The following UBASH3B variants were observed in gnomAD, a reference collection of about 807,000 sequenced individuals.
UBASH3B encodes the protein ubiquitin-associated and SH3 domain-containing protein B.
Under a neutral mutation model 83.4 loss-of-function variants are expected in UBASH3B, and 37 were observed. The ratio of observed to expected loss-of-function variants is 0.44; its 90% CI spans 0.34 to 0.58. The LOEUF (loss-of-function observed/expected upper bound fraction) is 0.58, where lower values mean the gene tolerates loss of function less well. Among genes scored for constraint, UBASH3B ranks in the 20% least tolerant of loss-of-function variants. The pLI, the probability that UBASH3B is intolerant of heterozygous loss-of-function variation, is 0.01. For synonymous variants in UBASH3B, 304 were observed against 318.3 expected (o/e 0.96, Z 0.48); for missense variants, 657 against 827.2 (o/e 0.79, Z 2.52).
intron 6 of UBASH3B, among the ~76,000 whole-genome samples, chr11:122,792,002 G>A (rs1861062437): frequency 6.6e-6 from 1 of 152,188 alleles, no homozygotes; most frequent in African/African-American, 2.4e-5. Flanking sequence ...CTGGATGTCA[G>A]GCCCGGCTTC....
intron 1 of UBASH3B, among the ~76,000 whole-genome samples, chr11:122,721,248 A>G (rs1488901870): frequency 6.9e-6 from 1 of 144,356 alleles, no homozygotes; most frequent in Non-Finnish European, 1.5e-5. Flanking sequence ...GTGTCTCAAA[A>G]AAAAAAAAAA....
chr11:122,776,148 A>G, intron 1 of UBASH3B, 71 bp from the exon 2 acceptor site: 1 of 1,437,398 alleles, frequency 7.0e-7, no homozygotes, highest in Non-Finnish European at 9.7e-7. Flanking sequence ...CCTCCTTCAC[A>G]CTCAGCTCTT....
intron 1 of UBASH3B, among the ~76,000 whole-genome samples, chr11:122,704,823 T>C (rs1446476361): frequency 3.3e-5 from 5 of 152,122 alleles, no homozygotes; most frequent in African/African-American, 9.7e-5. Flanking sequence ...ATTTTTTTTT[T>C]AATAGAAAAC....
rs142800521 is a variant in UBASH3B at position 122,748,974 on chromosome 11, G to A, written c.162-27245G>A. Among the ~76,000 whole-genome samples the A allele has an allele frequency of 8.9e-4, 135 of 152,186 alleles. 1 individual carries two copies. Among genetic ancestry groups the A allele is most frequent in the African/African-American group, 2.9e-3 (120 of 41,520 alleles). On this transcript the variant is annotated intron_variant, in intron 1 of 13. Coordinates refer to ENST00000284273, the MANE Select transcript of UBASH3B (RefSeq NM_032873.5). ...TGCCAGAACCCTCAACTTTGGCTAC[G>A]CCTACATGGAGAATGTTTTCATGGC...
intron 1 of UBASH3B, among the ~76,000 whole-genome samples, chr11:122,685,651 G>T (rs1863799885): frequency 6.6e-6 from 1 of 152,110 alleles, no homozygotes; most frequent in Non-Finnish European, 1.5e-5. Flanking sequence ...CGAGTAGCTG[G>T]AATTACAGGC....
chr11:122,664,162 T>C (rs1298146713), intron 1 of UBASH3B, among the ~76,000 whole-genome samples: 1 of 152,126 alleles, frequency 6.6e-6, no homozygotes, highest in Non-Finnish European at 1.5e-5. Context: ...TCTGTGCTTC[T>C]CTCTCTAGAG....
intron 1 of UBASH3B, among the ~76,000 whole-genome samples, chr11:122,754,872 T>C (rs1861258500): frequency 2.0e-5 from 3 of 152,188 alleles, no homozygotes; most frequent in Non-Finnish European, 4.4e-5. Flanking sequence ...CCCAAGGTCA[T>C]ACCGCTAGTG....
chr11:122,684,954 C>G (rs941465333), intron 1 of UBASH3B, among the ~76,000 whole-genome samples: 1 of 152,158 alleles, frequency 6.6e-6, no homozygotes, highest in African/African-American at 2.4e-5. Flanking sequence ...GGCTAGAAAT[C>G]CTTATATAAC....
intron 1 of UBASH3B, among the ~76,000 whole-genome samples, chr11:122,682,839 A>AC: frequency 6.6e-6 from 1 of 152,370 alleles, no homozygotes; most frequent in South Asian, 2.1e-4. Flanking sequence ...AAATTTTCTA[A>AC]CTTATCCTAA....
intron 1 of UBASH3B, among the ~76,000 whole-genome samples, chr11:122,730,658 C>T (rs1339103767): frequency 6.6e-6 from 1 of 151,576 alleles, no homozygotes; most frequent in Non-Finnish European, 1.5e-5. Context: ...TGCAATGGCA[C>T]GATCTCGGCT....
chr11:122,665,952 C>T (rs1177999461), intron 1 of UBASH3B, among the ~76,000 whole-genome samples: 1 of 152,170 alleles, frequency 6.6e-6, no homozygotes, highest in Non-Finnish European at 1.5e-5. Flanking sequence ...GTTGTGCTCC[C>T]GGCCTCTGTG....
intron 1 of UBASH3B, among the ~76,000 whole-genome samples, chr11:122,666,599 A>G (rs1402626071): frequency 1.3e-5 from 2 of 151,428 alleles, no homozygotes; most frequent in African/African-American, 2.4e-5. Flanking sequence ...TTGTATTTTT[A>G]GTAGAGACGG....
chr11:122,796,398 T>C, intron 8 of UBASH3B, 122 bp downstream of exon 8: 1 of 1,436,192 alleles, frequency 7.0e-7, no homozygotes, highest in Non-Finnish European at 9.4e-7. Context: ...AAGATGTCTG[T>C]CATGTGTAAG....
intron 6 of UBASH3B, among the ~76,000 whole-genome samples, chr11:122,789,768 C>T (rs1326437197): frequency 1.3e-5 from 2 of 152,146 alleles, no homozygotes; most frequent in Non-Finnish European, 2.9e-5. Context: ...TGCTAAGTGA[C>T]CCTGAGCAAG....
chr11:122,779,393 T>C, intron 3 of UBASH3B, 104 bp from the exon 4 acceptor site: 1 of 1,288,332 alleles, frequency 7.8e-7, no homozygotes, highest in Non-Finnish European at 1.1e-6. Context: ...GTAATTGCAT[T>C]ATCAGCCTCC....
At chr11:122,731,047 C>T (rs1860835865) in intron 1 of UBASH3B, among the ~76,000 whole-genome samples, 1 of 152,190 alleles carries the variant, frequency 6.6e-6, no homozygotes, top group Non-Finnish European at 1.5e-5. Flanking sequence ...ATTACAGTGG[C>T]CCCTCCTTAT....
chr11:122,807,033 A>G (rs1322289930), intron 12 of UBASH3B, among the ~76,000 whole-genome samples: 3 of 152,240 alleles, frequency 2.0e-5, no homozygotes, highest in Admixed American at 6.5e-5. Flanking sequence ...ATATTGCAAA[A>G]AAAGTATGGA....
chr11:122,745,983 A>G (rs770280603), intron 1 of UBASH3B, among the ~76,000 whole-genome samples: 9 of 152,236 alleles, frequency 5.9e-5, no homozygotes, highest in Non-Finnish European at 1.3e-4. Context: ...TGTTTTGTCT[A>G]TCACTGAAGT....
In UBASH3B at chr11:122,704,352, C is replaced by T. The variant is rs139789845; in HGVS notation, c.161+48142C>T. ...GAAGATGGCCTTACAAAAGGCTACG[C>T]GGGTCAGCCGTGAGTAGGAGAGTAG... On this transcript the variant is annotated intron_variant, in intron 1 of 13. Transcript: ENST00000284273. 3.0e-3 allele frequency among the ~76,000 whole-genome samples: 459 copies of T among 152,236 alleles called. 4 individuals carry two copies. The highest frequency in any genetic ancestry group is 0.011 in the African/African-American group (447 of 41,542).
Sources: allele counts gnomAD v4.1 joint callset (sites outside exome capture counted in the v4.1 genomes callset), GRCh38; gene constraint gnomAD v4.1.1; transcripts MANE v1.5; gene names NCBI Gene and HGNC (gene_info 2026-07-23, HGNC 2026-07-21).